Variants in PCDHGA3 observed in about 807,000 individuals in gnomAD.
PCDHGA3 encodes the protein protocadherin gamma subfamily A, 3, also known as protocadherin gamma-A3.
A neutral mutation model predicts 58.5 loss-of-function variants in PCDHGA3; 40 were observed. That is an observed-to-expected ratio of 0.68 (90% CI 0.53 to 0.89). The LOEUF (loss-of-function observed/expected upper bound fraction) is 0.89, where lower values mean the gene tolerates loss of function less well. Ranked by LOEUF, PCDHGA3 falls within the 40% of genes least tolerant of loss-of-function variation. The pLI is 0.00. For synonymous variants in PCDHGA3, 530 were observed against 525.7 expected, an observed-to-expected ratio of 1.01 and a Z score of -0.11; for missense variants, 1,223 against 1,195.9, an observed-to-expected ratio of 1.02 and a Z score of -0.33.
intron 1 of PCDHGA3, chr5:141,366,134 G>T: frequency 6.2e-6 from 10 of 1,614,204 alleles, no homozygotes; most frequent in Non-Finnish European, 8.5e-6. Context: ...AGGCCAGAAC[G>T]CCTGGCTGTC....
At position 141,410,285 on chromosome 5, in the gene PCDHGA3, G is replaced by T. The variant is rs746596172; in HGVS notation, c.2424+63828G>T. 7 of 1,614,010 alleles carry T rather than the reference G, an allele frequency of 4.3e-6. No homozygotes were observed. The Admixed American group carries it at 1.2e-4, about 27-fold the overall frequency. ...TGAACTGCAGTTTTACCTGGTGGTGGCCTTGGCCTTAATCTCAGTGCTCTT... is the reference window on the plus strand; with the variant it reads ...TGAACTGCAGTTTTACCTGGTGGTGTCCTTGGCCTTAATCTCAGTGCTCTT... On this transcript the variant is annotated intron_variant, in intron 1 of 3. Coordinates refer to ENST00000253812, the MANE Select transcript of PCDHGA3 (RefSeq NM_018916.4).
chr5:141,346,139 C>T lies in PCDHGA3; in HGVS notation c.2106C>T (p.Cys702=). ...TGGTGGCGGTGGCCGCGGTCTCCTG[C>T]GTCTTCCTGGCCTTCGTCATCGTGC... ...YLVVAVAAVS[C]VFLAFVIVLL... Residue 702 remains cysteine, a synonymous_variant, in exon 1 of 4, where the codon TGC becomes TGT. Transcript: ENST00000253812. 1 of 1,613,984 alleles carries T rather than the reference C, an allele frequency of 6.2e-7. No individual in the cohort carries two copies. Among genetic ancestry groups the T allele is most frequent in the Non-Finnish European group, 8.5e-7 (1 of 1,179,926 alleles).
Position 141,502,866 on chromosome 5 carries a change from C to CTTTTTTTTTTTTT in PCDHGA3, c.2484-2525_2484-2513dup, listed in dbSNP as rs549047197. ...GAGCTGCCTAACCCTGACTCTCTGT[C>CTTTTTTTTTTTTT]TTTTTTTTTTTTTTGACAGGGAGTC... On this transcript the variant is annotated intron_variant, in intron 2 of 3. Transcript: ENST00000253812. Among the ~76,000 whole-genome samples, 40 of 128,010 alleles carry CTTTTTTTTTTTTT rather than the reference C, an allele frequency of 3.1e-4. 6 individuals carry two copies. The highest frequency in any genetic ancestry group is 5.1e-4 in the Admixed American group (6 of 11,656). 84.0% of individuals were successfully genotyped at this position (128,010 alleles called of 152,430 possible). A position where few individuals can be genotyped will look rare whatever the true frequency, so the allele number is the denominator to read the frequency against.
intron 1 of PCDHGA3, chr5:141,433,074 A>C: frequency 6.2e-7 from 1 of 1,614,218 alleles, no homozygotes; most frequent in East Asian, 2.2e-5. Flanking sequence ...ATCTTCCCCC[A>C]GCCCAACTAT....
Position 141,421,318 on chromosome 5 carries a change from C to T in PCDHGA3, c.2425-73489C>T, listed in dbSNP as rs370020854. 5.6e-6 allele frequency: 9 copies of T among 1,613,824 alleles called. No homozygotes were observed. In the East Asian group the frequency reaches 2.0e-4, roughly 36 times the overall value. On this transcript the variant is annotated intron_variant, in intron 1 of 3. Coordinates refer to ENST00000253812, the MANE Select transcript of PCDHGA3 (RefSeq NM_018916.4). ...GACGCTGCGGGGGTTCCGGGCCAGG[C>T]AGATCCGATATTCGGTGCCAGAAGA...
intron 1 of PCDHGA3, chr5:141,422,638 T>G (rs1412270971): frequency 6.2e-7 from 1 of 1,612,392 alleles, no homozygotes. Context: ...CAGGGGTGCC[T>G]CCATCTTCTC....
At chr5:141,481,739 G>A (rs1034725934) in intron 1 of PCDHGA3, among the ~76,000 whole-genome samples, 1 of 152,082 alleles carries the variant, frequency 6.6e-6, no homozygotes, top group Non-Finnish European at 1.5e-5. Flanking sequence ...GGATCACGAG[G>A]TCAGGAGTCC....
At chr5:141,442,202 G>A (rs1033563159) in intron 1 of PCDHGA3, 2 of 153,258 alleles carry the variant, frequency 1.3e-5, no homozygotes, top group African/African-American at 4.8e-5. Context: ...TTTATATCTG[G>A]TGATTGCCTT....
chr5:141,431,376 CT>C lies in PCDHGA3; in HGVS notation c.2425-63430del. The C allele has an allele frequency of 1.2e-6, 2 of 1,613,436 alleles. No individual in the cohort carries two copies. The highest frequency in any genetic ancestry group is 1.7e-6 in the Non-Finnish European group (2 of 1,179,562). On this transcript the variant is annotated intron_variant, in intron 1 of 3. Transcript: ENST00000253812. This position sits in a 1 kb window ranked among gnomAD's most constrained non-coding sequence, Gnocchi z 4.8. ...CGCGCCCTGGACCGCGAAGAAAAGG[CT>C]GCTCACCACCTGGTCCTTACGGCCT...
In PCDHGA3 at chr5:141,345,725, C is replaced by T; in HGVS notation, c.1692C>T (p.Tyr564=). The T allele has an allele frequency of 6.2e-7, 1 of 1,614,230 alleles. No homozygotes were observed. The highest frequency in any genetic ancestry group is 8.5e-7 in the Non-Finnish European group (1 of 1,180,048). Residue 564 remains tyrosine (Y), a synonymous_variant, in exon 1 of 4, where the codon TAC becomes TAT. Transcript: ENST00000253812. ...DQNDNAPEIL[Y]PALPTDGSTG... ...ACGACAACGCGCCCGAGATCCTGTA[C>T]CCCGCCCTCCCCACAGACGGTTCCA...
Position 141,511,225 on chromosome 5 carries a change from C to T in PCDHGA3, c.*52C>T, listed in dbSNP as rs2099883678. On this transcript the variant is annotated 3_prime_UTR_variant, in exon 4 of 4. Transcript: ENST00000253812. Reference sequence around the variant, plus strand: ...GGCGGCCTCTCCCCAACCAGCCCAGCTTCTCCTTACCTGCACCCAGGCCTC... The same window carrying T: ...GGCGGCCTCTCCCCAACCAGCCCAGTTTCTCCTTACCTGCACCCAGGCCTC... 1.9e-6 allele frequency: 3 copies of T among 1,601,506 alleles called. No individual in the cohort carries two copies. Among genetic ancestry groups the T allele is most frequent in the Non-Finnish European group, 2.6e-6 (3 of 1,174,170 alleles).
chr5:141,486,637 G>T lies in PCDHGA3; in HGVS notation c.2425-8170G>T. On this transcript the variant is annotated intron_variant, in intron 1 of 3. Coordinates refer to ENST00000253812, the MANE Select transcript of PCDHGA3 (RefSeq NM_018916.4). This position sits in a 1 kb window ranked among gnomAD's most constrained non-coding sequence, Gnocchi z 5.0. ...CTGACCCAGACTCTGGCTTGAATGCGCTTATCTCCTACTCACTCCTGGAGC... is the reference window on the plus strand; with the variant it reads ...CTGACCCAGACTCTGGCTTGAATGCTCTTATCTCCTACTCACTCCTGGAGC... 6.2e-7 allele frequency: 1 copy of T among 1,613,638 alleles called. No homozygotes were observed. The highest frequency in any genetic ancestry group is 8.5e-7 in the Non-Finnish European group (1 of 1,180,034).
chr5:141,360,658 A>G, intron 1 of PCDHGA3: 1 of 1,613,590 alleles, frequency 6.2e-7, no homozygotes, highest in South Asian at 1.1e-5. Flanking sequence ...CCTTAATGAC[A>G]ACGAGTACTT....
At chr5:141,450,829 A>T (rs187691791) in intron 1 of PCDHGA3, among the ~76,000 whole-genome samples, 19,077 of 135,014 alleles carry the variant, frequency 0.14, 1,595 homozygotes, top group African/African-American at 0.24. Context: ...TATTATTATT[A>T]TTTTTTTTTT....
chr5:141,393,274 T>G (rs747983531), intron 1 of PCDHGA3: 11 of 1,613,952 alleles, frequency 6.8e-6, no homozygotes, highest in Non-Finnish European at 9.3e-6. Flanking sequence ...CGTTATCCAC[T>G]CCCAGAAGCT....
Position 141,415,335 on chromosome 5 carries a change from G to T in PCDHGA3, c.2424+68878G>T, listed in dbSNP as rs779617513. On this transcript the variant is annotated intron_variant, in intron 1 of 3. Coordinates refer to ENST00000253812, the MANE Select transcript of PCDHGA3 (RefSeq NM_018916.4). ...TCATCGTGCTGCTGGCGCACAGGCT[G>T]CGGCGCTGGCACAAGTCACGCCTGC... The T allele has an allele frequency of 4.3e-6, 7 of 1,614,110 alleles. No homozygotes were observed. The Admixed American group carries it at 1.2e-4, about 27-fold the overall frequency.
chr5:141,423,782 C>T (rs1458189260), intron 1 of PCDHGA3: 9 of 1,243,226 alleles, frequency 7.2e-6, no homozygotes, highest in Non-Finnish European at 9.3e-6. Flanking sequence ...ATATTTAGTT[C>T]ATATATATTT....
rs943867570 is a variant in PCDHGA3 at position 141,493,651 on chromosome 5, T to C, written c.2425-1156T>C. On this transcript the variant is annotated intron_variant, in intron 1 of 3. Coordinates refer to ENST00000253812, the MANE Select transcript of PCDHGA3 (RefSeq NM_018916.4). The surrounding 1 kb of genome is among the most constrained non-coding windows in gnomAD (Gnocchi z 4.3). ...AGTGGCTGAGGGCTGGCCATCCCTGTGCCCTTCTCCATGGCAGCCCCAGAA... is the reference window on the plus strand; with the variant it reads ...AGTGGCTGAGGGCTGGCCATCCCTGCGCCCTTCTCCATGGCAGCCCCAGAA... Among the ~76,000 whole-genome samples, 1 of 152,204 alleles carries C rather than the reference T, an allele frequency of 6.6e-6. No individual in the cohort carries two copies. The highest frequency in any genetic ancestry group is 1.5e-5 in the Non-Finnish European group (1 of 68,030).
At chr5:141,413,118 G>C (rs999214227) in intron 1 of PCDHGA3, 1 of 1,517,152 alleles carries the variant, frequency 6.6e-7, no homozygotes, top group Non-Finnish European at 8.9e-7. Flanking sequence ...CAAAGGAACC[G>C]GTTGAAACAC....
Sources: gnomAD v4.1 joint callset for allele counts (sites outside exome capture counted in the v4.1 genomes callset) on GRCh38, gnomAD v4.1.1 for gene constraint, Gnocchi (gnomAD v3.1) non-coding constraint, MANE v1.5 for transcripts, NCBI Gene and HGNC (gene_info 2026-07-23, HGNC 2026-07-21) for gene names.